KDM1B: variants seen among roughly 807,000 people sequenced by gnomAD.
KDM1B encodes the protein lysine-specific histone demethylase 2.
In KDM1B, 63 loss-of-function variants were observed where a neutral mutation model predicts 107.4. The observed-to-expected ratio is 0.59, with a 90% CI of 0.48 to 0.72. KDM1B has a LOEUF of 0.72. Ranked by LOEUF, KDM1B falls within the 30% of genes least tolerant of loss-of-function variation. The probability of loss-of-function intolerance (pLI) is 0.00; values close to 1 mark genes in which losing one functional copy is unlikely to be tolerated. For missense variants in KDM1B, 749 were observed against 1,020.8 expected (o/e 0.73, Z 3.63); for synonymous variants, 363 against 363.9 (o/e 1.00, Z 0.03).
Position 18,201,243 on chromosome 6 carries a change from G to A in KDM1B, c.1360-243G>A, listed in dbSNP as rs1389795766. On this transcript the variant is annotated intron_variant, in intron 13 of 21. Coordinates refer to ENST00000650836, the MANE Select transcript of KDM1B (RefSeq NM_001364614.2). The surrounding 1 kb of genome is among the most constrained non-coding windows in gnomAD (Gnocchi z 4.3). ...AAACATTAGCCAAAAAGTTACAATG[G>A]GCATGGCGTAGGAGCTGTTGCTGCC... is the stretch of plus-strand genomic sequence containing the variant. 6.6e-6 allele frequency among the ~76,000 whole-genome samples: 1 copy of A among 152,128 alleles called. No individual in the cohort carries two copies. The highest frequency in any genetic ancestry group is 1.9e-4 in the East Asian group (1 of 5,200).
At chr6:18,192,495 GTGAGTAGGCTGTGCGAGGTAGCCAGC>G (rs1376022963) in intron 10 of KDM1B, among the ~76,000 whole-genome samples, 3 of 152,162 alleles carry the variant, frequency 2.0e-5, no homozygotes, top group South Asian at 2.1e-4. Context: ...TTATAGCCAG[GTGAGTAGGCTGTGCGAGGTAGCCAGC>G]TGAGTAGGCT....
intron 2 of KDM1B, among the ~76,000 whole-genome samples, chr6:18,157,591 T>C (rs951142993): frequency 1.3e-5 from 2 of 151,998 alleles, no homozygotes; most frequent in Non-Finnish European, 2.9e-5. Flanking sequence ...TTACATATAC[T>C]ATACATTTAC....
chr6:18,207,234 T>C (rs564157386), intron 15 of KDM1B, among the ~76,000 whole-genome samples, 164 bp from the exon 16 acceptor site: 1 of 152,146 alleles, frequency 6.6e-6, no homozygotes, highest in Non-Finnish European at 1.5e-5. Context: ...CAAATAAAAT[T>C]ATCGAGATTT....
At position 18,221,892 on chromosome 6, in the gene KDM1B, G is replaced by T; in HGVS notation, c.2386-17G>T. 1 of 1,580,314 alleles carries T rather than the reference G, an allele frequency of 6.3e-7. No homozygotes were observed. The highest frequency in any genetic ancestry group is 8.6e-7 in the Non-Finnish European group (1 of 1,158,786). ...AACTCTATGCATGATCTCAAATTATGTAATTATGTTTTACAGGCAACAAAC... is the reference window on the plus strand; with the variant it reads ...AACTCTATGCATGATCTCAAATTATTTAATTATGTTTTACAGGCAACAAAC... On this transcript the variant is annotated splice_polypyrimidine_tract_variant and intron_variant, in intron 21 of 21. Coordinates refer to ENST00000650836, the MANE Select transcript of KDM1B (RefSeq NM_001364614.2).
At position 18,197,640 on chromosome 6, in the gene KDM1B, A is replaced by G; in HGVS notation, c.1200A>G (p.Gln400=). 3.7e-6 allele frequency: 6 copies of G among 1,613,838 alleles called. No individual in the cohort carries two copies. The highest frequency in any genetic ancestry group is 5.1e-6 in the Non-Finnish European group (6 of 1,179,720). ...AGPAGLAAAR[Q]LHNFGIKVTV... ...CAGCAGGATTAGCAGCTGCTAGGCA[A>G]CTGCATAACTTTGGAATTAAGGTAG... The change falls in exon 12 of 22, where the codon CAA becomes CAG. Residue 400 remains glutamine, a synonymous_variant. Coordinates refer to ENST00000650836, the MANE Select transcript of KDM1B (RefSeq NM_001364614.2). This position sits in a 1 kb window ranked among gnomAD's most constrained non-coding sequence, Gnocchi z 4.5.
rs754850119 is a variant in KDM1B at position 18,162,888 on chromosome 6, A to T, written c.269A>T (p.His90Leu). Residue 90 changes from histidine to leucine, a missense_variant, in exon 5 of 22, where the codon CAT becomes CTT. His to Leu is a moderately conservative substitution (Grantham distance 99). Coordinates refer to ENST00000650836, the MANE Select transcript of KDM1B (RefSeq NM_001364614.2). This position sits in a 1 kb window ranked among gnomAD's most constrained non-coding sequence, Gnocchi z 4.1. ...SRWYHLSCGE[H>L]FCNECFDHYY... is the part of the protein sequence containing the mutation. The stretch of plus-strand genomic sequence containing the variant: ...TGGTATCATCTCTCCTGTGGGGAAC[A>T]TTTCTGTAATGAATGCTTTGACCAT... The T allele has an allele frequency of 6.2e-7, 1 of 1,612,646 alleles. No individual in the cohort carries two copies. The highest frequency in any genetic ancestry group is 1.1e-5 in the South Asian group (1 of 91,050).
chr6:18,204,245 G>A lies in KDM1B; in HGVS notation c.1532-1292G>A, dbSNP rs1663219863. Among the ~76,000 whole-genome samples, 2 of 152,174 alleles carry A rather than the reference G, an allele frequency of 1.3e-5. No homozygotes were observed. Among genetic ancestry groups the A allele is most frequent in the African/African-American group, 4.8e-5 (2 of 41,434 alleles). ...TACACCTGTAATCCCAGCACTTCGGGAGGCTGAGGTGGGTAGATTTCTTGA... is the reference window on the plus strand; with the variant it reads ...TACACCTGTAATCCCAGCACTTCGGAAGGCTGAGGTGGGTAGATTTCTTGA... On this transcript the variant is annotated intron_variant, in intron 14 of 21. Coordinates refer to ENST00000650836, the MANE Select transcript of KDM1B (RefSeq NM_001364614.2). This position sits in a 1 kb window ranked among gnomAD's most constrained non-coding sequence, Gnocchi z 4.9.
chr6:18,218,398 C>G (rs904467858), intron 21 of KDM1B, among the ~76,000 whole-genome samples: 5 of 151,602 alleles, frequency 3.3e-5, no homozygotes, highest in African/African-American at 1.2e-4. Flanking sequence ...GTTAGGATTA[C>G]AGGTGTGAGC....
chr6:18,174,390 T>A (rs1274433878), intron 7 of KDM1B, among the ~76,000 whole-genome samples: 2 of 152,208 alleles, frequency 1.3e-5, no homozygotes, highest in African/African-American at 4.8e-5. Flanking sequence ...GTGACATCTT[T>A]ACATTTTTCA....
intron 20 of KDM1B, among the ~76,000 whole-genome samples, chr6:18,216,739 C>G (rs1416676926): frequency 6.6e-6 from 1 of 152,160 alleles, no homozygotes; most frequent in Non-Finnish European, 1.5e-5. Context: ...GGAGTCATCT[C>G]TGTTATCAGA....
intron 9 of KDM1B, among the ~76,000 whole-genome samples, chr6:18,189,752 T>C (rs1020224831): frequency 6.6e-6 from 1 of 152,158 alleles, no homozygotes; most frequent in East Asian, 1.9e-4. Context: ...AAGGATAAAG[T>C]GTACCTCTAA....
At chr6:18,175,486 C>G (rs1031850039) in intron 7 of KDM1B, among the ~76,000 whole-genome samples, 7 of 151,944 alleles carry the variant, frequency 4.6e-5, no homozygotes, top group African/African-American at 1.7e-4. Flanking sequence ...TCTTTAAAGT[C>G]CCAGTTATTT....
chr6:18,167,471 G>A (rs1377975923), intron 6 of KDM1B, among the ~76,000 whole-genome samples: 1 of 151,812 alleles, frequency 6.6e-6, no homozygotes, highest in Non-Finnish European at 1.5e-5. Context: ...TTTAATAAAT[G>A]ATTTGCTATT....
intron 2 of KDM1B, among the ~76,000 whole-genome samples, chr6:18,156,297 A>G (rs1027001144): frequency 2.0e-5 from 3 of 152,154 alleles, no homozygotes; most frequent in Admixed American, 2.0e-4. Flanking sequence ...TGAAAGAGGA[A>G]GGAAGAGGCC....
chr6:18,211,062 G>C lies in KDM1B; in HGVS notation c.1867-1426G>C, dbSNP rs938695152. ...TTGCAATTTAATTGGATAGTAATTGGTTTTTTGTTGTGGTTTGCCTCATTT... is the reference window on the plus strand; with the variant it reads ...TTGCAATTTAATTGGATAGTAATTGCTTTTTTGTTGTGGTTTGCCTCATTT... On this transcript the variant is annotated intron_variant, in intron 17 of 21. Coordinates refer to ENST00000650836, the MANE Select transcript of KDM1B (RefSeq NM_001364614.2). The surrounding 1 kb of genome is among the most constrained non-coding windows in gnomAD (Gnocchi z 5.2). 6.6e-6 allele frequency among the ~76,000 whole-genome samples: 1 copy of C among 152,064 alleles called. No individual in the cohort carries two copies. The highest frequency in any genetic ancestry group is 6.6e-5 in the Admixed American group (1 of 15,256).
At chr6:18,207,980 G>A in intron 16 of KDM1B, 152 bp from the exon 17 acceptor site, 1 of 668,956 alleles carries the variant, frequency 1.5e-6, no homozygotes. Context: ...AACTCCCTCA[G>A]TTCAGCTATA....
Position 18,191,419 on chromosome 6 carries a change from G to A in KDM1B, c.969+38G>A. 1.3e-6 allele frequency: 2 copies of A among 1,518,900 alleles called. No homozygotes were observed. The highest frequency in any genetic ancestry group is 8.9e-7 in the Non-Finnish European group (1 of 1,124,116). 94.1% of individuals were successfully genotyped at this position (1,518,900 alleles called of 1,614,324 possible). On this transcript the variant is annotated intron_variant, in intron 10 of 21. Coordinates refer to ENST00000650836, the MANE Select transcript of KDM1B (RefSeq NM_001364614.2). The surrounding 1 kb of genome is among the most constrained non-coding windows in gnomAD (Gnocchi z 5.1). ...ATGTTAGCCAATAGCACTGGACAGA[G>A]GAGGACCATGTTGAAAAGGAGGGGA...
At chr6:18,164,848 G>A (rs1020483118) in intron 5 of KDM1B, among the ~76,000 whole-genome samples, 5 of 152,064 alleles carry the variant, frequency 3.3e-5, no homozygotes, top group African/African-American at 1.2e-4. Context: ...GTTTCCCCAT[G>A]TTGGCCAGGC....
chr6:18,160,828 CT>C (rs3077192), intron 3 of KDM1B, among the ~76,000 whole-genome samples: 2,967 of 123,146 alleles, frequency 0.024, 38 homozygotes, highest in Middle Eastern at 0.054. Context: ...ACTCATGTCA[CT>C]TTTTTTTTTT....
Sources: allele counts gnomAD v4.1 joint callset (sites outside exome capture counted in the v4.1 genomes callset), GRCh38; gene constraint gnomAD v4.1.1; non-coding constraint Gnocchi (gnomAD v3.1); transcripts MANE v1.5; gene names NCBI Gene and HGNC (gene_info 2026-07-23, HGNC 2026-07-21).